YAE1: variants seen among roughly 807,000 people sequenced by gnomAD.
YAE1 encodes protein YAE1 homolog.
YAE1 carries 22 observed loss-of-function variants against 23.0 expected under a neutral mutation model. The ratio of observed to expected loss-of-function variants is 0.96; its 90% CI spans 0.68 to 1.37. YAE1 has a LOEUF of 1.37. Ranked by LOEUF, YAE1 falls within the 40% of genes most tolerant of loss-of-function variation. YAE1 has a pLI of 0.00. For synonymous variants in YAE1, 101 were observed against 97.0 expected (o/e 1.04, Z -0.24); for missense variants, 260 against 262.1 (o/e 0.99, Z 0.06).
exon 3 of YAE1, chr7:39,609,726 G>A: frequency 2.0e-6 from 3 of 1,535,558 alleles, no homozygotes; most frequent in Non-Finnish European, 1.7e-6. Context: ...CATGGCGAGC[G>A]GGGCGACACC....
At chr7:39,573,176 GAC>G (rs1790601234), downstream of YAE1, among the ~76,000 whole-genome samples, 1 of 152,156 alleles carries the variant, frequency 6.6e-6, no homozygotes, top group African/African-American at 2.4e-5. Flanking sequence ...GAAATTAAGA[GAC>G]TGTGAGAAAC....
intron 2 of YAE1, among the ~76,000 whole-genome samples, chr7:39,603,334 T>C (rs1254658211): frequency 2.0e-5 from 3 of 152,116 alleles, no homozygotes; most frequent in Non-Finnish European, 4.4e-5. Context: ...AGAGACGGGT[T>C]TCACCGTGTT....
intron 2 of YAE1, among the ~76,000 whole-genome samples, chr7:39,581,264 A>G (rs770780455): frequency 1.3e-5 from 2 of 152,220 alleles, no homozygotes; most frequent in African/African-American, 2.4e-5. Flanking sequence ...ATCGTTATCT[A>G]TGTAACATGG....
Position 39,570,268 on chromosome 7 carries a change from C to T in YAE1, c.130-238C>T, listed in dbSNP as rs115579736. 3.8e-3 allele frequency: 2,441 copies of T among 641,974 alleles called. 39 individuals are homozygous for T. The highest frequency in any genetic ancestry group is 0.038 in the African/African-American group (2,070 of 54,466). The allele number at this position is 641,974 out of a possible 1,614,324, so 39.8% of individuals were successfully genotyped here. A position where few individuals can be genotyped will look rare whatever the true frequency, so the allele number is the denominator to read the frequency against. The stretch of plus-strand genomic sequence containing the variant: ...TAGGTTTTTTAAAAACTGTGACTAT[C>T]AGTGTTTTAAAAATTGCCCGGTAAC... On this transcript the variant is annotated intron_variant, in intron 1 of 2. Transcript: ENST00000223273.
chr7:39,574,588 C>G (rs769919879), downstream of YAE1, among the ~76,000 whole-genome samples: 6 of 152,042 alleles, frequency 3.9e-5, no homozygotes, highest in Non-Finnish European at 5.9e-5. Context: ...AAAAAATGAG[C>G]CAGGCATGGT....
At chr7:39,601,742 G>A (rs4469364) in intron 2 of YAE1, among the ~76,000 whole-genome samples, 1 of 146,710 alleles carries the variant, frequency 6.8e-6, no homozygotes. Flanking sequence ...CTGGATGACA[G>A]AGCCAGACTC....
chr7:39,588,302 A>T (rs1348320795), intron 2 of YAE1, among the ~76,000 whole-genome samples: 2 of 152,172 alleles, frequency 1.3e-5, no homozygotes, highest in African/African-American at 4.8e-5. Context: ...ACCTGAGGTC[A>T]GGAGTTCAAG....
At chr7:39,591,643 G>C (rs771422447) in intron 2 of YAE1, among the ~76,000 whole-genome samples, 18 of 151,908 alleles carry the variant, frequency 1.2e-4, no homozygotes, top group Admixed American at 2.6e-4. Context: ...CACCGGATTG[G>C]TACATATGTT....
intron 2 of YAE1, among the ~76,000 whole-genome samples, chr7:39,607,070 G>A (rs536112759): frequency 6.6e-5 from 10 of 152,234 alleles, no homozygotes; most frequent in South Asian, 2.1e-4. Flanking sequence ...TCAAGTATTC[G>A]CTACATAATG....
downstream of YAE1, among the ~76,000 whole-genome samples, chr7:39,611,862 A>T (rs1791224157): frequency 6.6e-6 from 1 of 152,188 alleles, no homozygotes; most frequent in Non-Finnish European, 1.5e-5. Context: ...AAAAATTCTG[A>T]GCTTAATTCA....
Position 39,569,649 on chromosome 7 carries a change from A to G in YAE1, c.130-857A>G, listed in dbSNP as rs569625930. ...TCCAGAATGCAGAGTTGCTAAAGGAAAAACAGCATATGATCCCCACACTGG... is the reference window on the plus strand; with the variant it reads ...TCCAGAATGCAGAGTTGCTAAAGGAGAAACAGCATATGATCCCCACACTGG... On this transcript the variant is annotated intron_variant, in intron 1 of 2. Coordinates refer to ENST00000223273, the MANE Select transcript of YAE1 (RefSeq NM_020192.5). The G allele has an allele frequency of 1.0e-4, 69 of 660,316 alleles. 1 individual carries two copies. Among genetic ancestry groups the G allele is most frequent in the Non-Finnish European group, 1.9e-4 (64 of 342,738 alleles). 40.9% of individuals were successfully genotyped at this position (660,316 alleles called of 1,614,324 possible).
At chr7:39,598,474 C>A (rs1216221432) in intron 2 of YAE1, among the ~76,000 whole-genome samples, 3 of 148,200 alleles carry the variant, frequency 2.0e-5, no homozygotes, top group Non-Finnish European at 4.4e-5. Context: ...TAAATATTGG[C>A]AAGTAAAAAA....
chr7:39,574,577 CA>C (rs1314998570), downstream of YAE1, among the ~76,000 whole-genome samples: 1 of 151,776 alleles, frequency 6.6e-6, no homozygotes, highest in Admixed American at 6.6e-5. Context: ...TGCTAAAATA[CA>C]AAAAATGAGC....
chr7:39,611,231 A>G (rs1791211097), downstream of YAE1, among the ~76,000 whole-genome samples: 1 of 152,208 alleles, frequency 6.6e-6, no homozygotes, highest in African/African-American at 2.4e-5. Context: ...ATATACAAAT[A>G]CATAGTGAGA....
At chr7:39,578,817 C>T (rs1790698435) in intron 2 of YAE1, among the ~76,000 whole-genome samples, 1 of 152,186 alleles carries the variant, frequency 6.6e-6, no homozygotes, top group South Asian at 2.1e-4. Flanking sequence ...GAGACTACAT[C>T]GTCATACACC....
chr7:39,571,427 A>G (rs1790563535), intron 2 of YAE1, among the ~76,000 whole-genome samples: 1 of 152,088 alleles, frequency 6.6e-6, no homozygotes, highest in Admixed American at 6.5e-5. Flanking sequence ...AGAGAAAAAA[A>G]AAATGCTTCA....
chr7:39,587,579 C>T (rs1790838777), intron 2 of YAE1, among the ~76,000 whole-genome samples: 1 of 152,196 alleles, frequency 6.6e-6, no homozygotes. Context: ...AATTTACCAA[C>T]TGACAGCAGC....
At chr7:39,586,131 A>G (rs1790810269) in intron 2 of YAE1, among the ~76,000 whole-genome samples, 1 of 151,648 alleles carries the variant, frequency 6.6e-6, no homozygotes, top group African/African-American at 2.4e-5. Flanking sequence ...GTATCAGTCT[A>G]TGTCAGTAAT....
intron 1 of YAE1, chr7:39,569,806 A>C (rs762914943): frequency 1.3e-6 from 1 of 765,084 alleles, no homozygotes; most frequent in Non-Finnish European, 2.4e-6. Context: ...ATACTCTTCC[A>C]CTCTTTATCA....
Sources: gnomAD v4.1 joint callset for allele counts (sites outside exome capture counted in the v4.1 genomes callset) on GRCh38, gnomAD v4.1.1 for gene constraint, MANE v1.5 for transcripts, NCBI Gene and HGNC (gene_info 2026-07-23, HGNC 2026-07-21) for gene names.